The following TRIM44 variants were observed in gnomAD, a reference collection of about 807,000 sequenced individuals.
TRIM44 encodes the protein tripartite motif containing 44.
A neutral mutation model predicts 37.4 loss-of-function variants in TRIM44; 13 were observed. That is an observed-to-expected ratio of 0.35 (90% CI 0.23 to 0.55). The LOEUF (loss-of-function observed/expected upper bound fraction) is 0.55. Ranked by LOEUF, TRIM44 falls within the 20% of genes least tolerant of loss-of-function variation. The pLI is 0.89. For synonymous variants in TRIM44, 175 were observed against 157.2 expected, an observed-to-expected ratio of 1.11 and a Z score of -0.85; for missense variants, 426 against 437.2, an observed-to-expected ratio of 0.97 and a Z score of 0.23.
At chr11:35,745,368 T>G (rs1852474741) in intron 4 of TRIM44, among the ~76,000 whole-genome samples, 1 of 152,208 alleles carries the variant, frequency 6.6e-6, no homozygotes, top group Admixed American at 6.5e-5. Context: ...ATGGGGTTGT[T>G]TTTTTCTTGT....
chr11:35,749,081 G>A (rs1392378904), intron 4 of TRIM44, among the ~76,000 whole-genome samples: 1 of 152,106 alleles, frequency 6.6e-6, no homozygotes, highest in Non-Finnish European at 1.5e-5. Flanking sequence ...ATTTTACTTT[G>A]AAACAGTGAG....
chr11:35,685,394 A>C, intron 2 of TRIM44, 58 bp downstream of exon 2: 1 of 1,456,532 alleles, frequency 6.9e-7, no homozygotes, highest in South Asian at 1.2e-5. Flanking sequence ...ATTCTCCTTG[A>C]GCTAAAATTG....
intron 2 of TRIM44, among the ~76,000 whole-genome samples, chr11:35,703,425 A>C (rs540334380): frequency 6.6e-6 from 1 of 152,338 alleles, no homozygotes; most frequent in African/African-American, 2.4e-5. Flanking sequence ...CTCAGCATGC[A>C]GCTGGAGATC....
rs1487831167 is a variant in TRIM44, at chr11:35,815,624, C to G, written c.*9239C>G. ...TAAAGGCATTCCTCTGAGAGTATAC[C>G]TAGCCCACTTGTGGCCAAATTATAC... On this transcript the variant is annotated 3_prime_UTR_variant, in exon 5 of 5. Coordinates refer to ENST00000299413, the MANE Select transcript of TRIM44 (RefSeq NM_017583.6). 1 of 152,172 alleles carries G rather than the reference C, an allele frequency of 6.6e-6. No individual in the cohort carries two copies. Among genetic ancestry groups the G allele is most frequent in the African/African-American group, 2.4e-5 (1 of 41,446 alleles). The allele number at this position is 152,172 out of a possible 1,614,324, so 9.4% of individuals were successfully genotyped here.
intron 2 of TRIM44, among the ~76,000 whole-genome samples, chr11:35,712,196 G>C (rs1028192410): frequency 1.3e-5 from 2 of 152,132 alleles, no homozygotes; most frequent in East Asian, 3.9e-4. Flanking sequence ...GGAGTGTGTA[G>C]TTGTGTGTCC....
At chr11:35,746,085 A>G (rs1454467707) in intron 4 of TRIM44, among the ~76,000 whole-genome samples, 1 of 152,220 alleles carries the variant, frequency 6.6e-6, no homozygotes, top group Non-Finnish European at 1.5e-5. Flanking sequence ...TAATCAAACA[A>G]TTAAGTTGAT....
intron 3 of TRIM44, among the ~76,000 whole-genome samples, chr11:35,726,843 A>T (rs1456626141): frequency 6.6e-6 from 1 of 151,328 alleles, no homozygotes; most frequent in African/African-American, 2.4e-5. Flanking sequence ...CTTTGAAAAA[A>T]TTATTTAAGG....
chr11:35,747,421 C>T (rs1852505142), intron 4 of TRIM44, among the ~76,000 whole-genome samples: 1 of 152,118 alleles, frequency 6.6e-6, no homozygotes, highest in African/African-American at 2.4e-5. Context: ...GAAAGTGACT[C>T]AACCTGGATT....
In TRIM44 at chr11:35,817,361, A is replaced by C. The variant is rs1034889349; in HGVS notation, c.*10976A>C. Reference sequence around the variant, plus strand: ...CAAGTTGTGTGGCATTTGGCACATCATGTTCTCTCTCTACATGCGCCTAAA... The same window carrying C: ...CAAGTTGTGTGGCATTTGGCACATCCTGTTCTCTCTCTACATGCGCCTAAA... On this transcript the variant is annotated 3_prime_UTR_variant, in exon 5 of 5. Transcript: ENST00000299413. 1.3e-5 allele frequency: 2 copies of C among 152,202 alleles called. No homozygotes were observed. Among genetic ancestry groups the C allele is most frequent in the Admixed American group, 1.3e-4 (2 of 15,278 alleles). 9.4% of individuals were successfully genotyped at this position (152,202 alleles called of 1,614,324 possible). A position where few individuals can be genotyped will look rare whatever the true frequency, so the allele number is the denominator to read the frequency against.
chr11:35,776,647 T>C (rs1380420816), intron 4 of TRIM44, among the ~76,000 whole-genome samples: 1 of 152,260 alleles, frequency 6.6e-6, no homozygotes, highest in East Asian at 1.9e-4. Flanking sequence ...CCAGAGATTC[T>C]GGTATGTTGT....
Position 35,774,472 on chromosome 11 carries a change from G to A in TRIM44, c.1008-31886G>A, listed in dbSNP as rs370196840. ...TGCTGTGCAGAAGCTCTTTAGTTTA[G>A]TTAGATCCCATTTGTCAATTTTGGC... On this transcript the variant is annotated intron_variant, in intron 4 of 4. Coordinates refer to ENST00000299413, the MANE Select transcript of TRIM44 (RefSeq NM_017583.6). Among the ~76,000 whole-genome samples the A allele has an allele frequency of 3.0e-4, 45 of 152,140 alleles. 1 individual carries two copies. The South Asian group carries it at 6.2e-3, about 21-fold the overall frequency.
chr11:35,775,553 T>C (rs929208641), intron 4 of TRIM44, among the ~76,000 whole-genome samples: 1 of 152,324 alleles, frequency 6.6e-6, no homozygotes, highest in Admixed American at 6.5e-5. Flanking sequence ...GTGCCAGTTT[T>C]CGAAGGGAAT....
intron 1 of TRIM44, among the ~76,000 whole-genome samples, chr11:35,669,894 T>C (rs1851374109): frequency 6.6e-6 from 1 of 152,204 alleles, no homozygotes. Context: ...GTGATCTTGC[T>C]CACTGCAACC....
At chr11:35,691,433 A>G (rs1243292184) in intron 2 of TRIM44, among the ~76,000 whole-genome samples, 2 of 152,176 alleles carry the variant, frequency 1.3e-5, no homozygotes, top group African/African-American at 4.8e-5. Flanking sequence ...TTGACTTACA[A>G]TGGGATTACA....
At chr11:35,749,111 A>G (rs1313657624) in intron 4 of TRIM44, among the ~76,000 whole-genome samples, 1 of 152,194 alleles carries the variant, frequency 6.6e-6, no homozygotes, top group Non-Finnish European at 1.5e-5. Flanking sequence ...GAGGAGAAAC[A>G]TGGCATTCAT....
chr11:35,765,813 G>T (rs1168022117), intron 4 of TRIM44, among the ~76,000 whole-genome samples: 12 of 152,110 alleles, frequency 7.9e-5, no homozygotes, highest in African/African-American at 2.7e-4. Flanking sequence ...ACAAAATTTA[G>T]TTTCTTTTTA....
chr11:35,815,441 G>C lies in TRIM44; in HGVS notation c.*9056G>C, dbSNP rs568986540. On this transcript the variant is annotated 3_prime_UTR_variant, in exon 5 of 5. Coordinates refer to ENST00000299413, the MANE Select transcript of TRIM44 (RefSeq NM_017583.6). The stretch of plus-strand genomic sequence containing the variant: ...AGTAGGGCAATAGGGAGTGTCAGTA[G>C]GGTAGTTTCAGGTGGGGAGGATGAC... 2.0e-5 allele frequency: 3 copies of C among 152,248 alleles called. No individual in the cohort carries two copies. The South Asian group carries it at 6.2e-4, about 32-fold the overall frequency. 9.4% of individuals were successfully genotyped at this position (152,248 alleles called of 1,614,324 possible).
intron 4 of TRIM44, among the ~76,000 whole-genome samples, chr11:35,781,505 A>G (rs1853065285): frequency 6.6e-6 from 1 of 152,154 alleles, no homozygotes; most frequent in Non-Finnish European, 1.5e-5. Flanking sequence ...CACTGTATTC[A>G]GGGATGGTCA....
intron 1 of TRIM44, among the ~76,000 whole-genome samples, chr11:35,679,125 T>C (rs1049382423): frequency 2.0e-5 from 3 of 152,144 alleles, no homozygotes; most frequent in Non-Finnish European, 4.4e-5. Context: ...GAATTCAATA[T>C]TCAGGAGCCA....
Sources: gnomAD v4.1 joint callset for allele counts (sites outside exome capture counted in the v4.1 genomes callset) on GRCh38, gnomAD v4.1.1 for gene constraint, MANE v1.5 for transcripts, NCBI Gene and HGNC (gene_info 2026-07-23, HGNC 2026-07-21) for gene names.